TTC28: variants seen among roughly 807,000 people sequenced by gnomAD.
The protein encoded by TTC28 is tetratricopeptide repeat protein 28.
In TTC28, 61 loss-of-function variants were observed where a neutral mutation model predicts 198.0. The ratio of observed to expected loss-of-function variants is 0.31; its 90% CI spans 0.25 to 0.38. TTC28 has a LOEUF of 0.38. TTC28 is among the 10% of genes least tolerant of loss of function. The pLI is 1.00. For synonymous variants in TTC28, 1,171 were observed against 1,297.8 expected (o/e 0.90, Z 2.10); for missense variants, 2,678 against 3,164.0 (o/e 0.85, Z 3.69).
intron 2 of TTC28, among the ~76,000 whole-genome samples, chr22:28,357,859 C>T (rs1182879682): frequency 6.6e-6 from 1 of 152,138 alleles, no homozygotes; most frequent in Non-Finnish European, 1.5e-5. Flanking sequence ...CACCACGCTA[C>T]ACTGGGATGC....
chr22:28,147,984 A>G (rs1943508354), intron 6 of TTC28, among the ~76,000 whole-genome samples: 1 of 152,230 alleles, frequency 6.6e-6, no homozygotes, highest in Non-Finnish European at 1.5e-5. Flanking sequence ...AAAAGAAGAA[A>G]CAGTGTGATA....
chr22:28,290,625 A>G (rs1276530229), intron 5 of TTC28, among the ~76,000 whole-genome samples: 8 of 152,138 alleles, frequency 5.3e-5, no homozygotes, highest in East Asian at 1.9e-4. Context: ...AAAAATCACA[A>G]TGAGGGCCTG....
Position 27,983,763 on chromosome 22 carries a change from C to T in TTC28, c.5904G>A (p.Leu1968=), listed in dbSNP as rs1937105358. Residue 1968 remains leucine, a synonymous_variant, in exon 23 of 23, where the codon CTG becomes CTA. Transcript: ENST00000397906. The part of the protein sequence containing the change: ...LASAQSVSNA[L]PLGYQQPPFS... Reference sequence around the variant, plus strand: ...AGGGGGGTTGCTGGTAACCCAAGGGCAGGGCGTTGGAAACAGACTGAGCAG... The same window carrying T: ...AGGGGGGTTGCTGGTAACCCAAGGGTAGGGCGTTGGAAACAGACTGAGCAG... 1.9e-6 allele frequency: 3 copies of T among 1,551,622 alleles called. No individual in the cohort carries two copies. Among genetic ancestry groups the T allele is most frequent in the Non-Finnish European group, 2.6e-6 (3 of 1,146,998 alleles).
At chr22:28,281,673 A>T (rs954454852) in intron 5 of TTC28, among the ~76,000 whole-genome samples, 11 of 152,246 alleles carry the variant, frequency 7.2e-5, no homozygotes, top group African/African-American at 2.7e-4. Flanking sequence ...TGTGAATGAT[A>T]CACTGTATAC....
intron 2 of TTC28, among the ~76,000 whole-genome samples, chr22:28,310,174 A>ACAC (rs56832222): frequency 3.6e-5 from 3 of 83,648 alleles, no homozygotes; most frequent in African/African-American, 5.2e-5. Flanking sequence ...ACACACACAC[A>ACAC]AAAAACAAGA....
intron 2 of TTC28, among the ~76,000 whole-genome samples, chr22:28,429,249 C>T (rs1051035687): frequency 4.6e-5 from 7 of 152,204 alleles, no homozygotes; most frequent in Admixed American, 2.6e-4. Context: ...TATCTCACTA[C>T]CTCTGCCTGA....
At chr22:28,418,859 G>A (rs867423720) in intron 2 of TTC28, among the ~76,000 whole-genome samples, 1 of 152,072 alleles carries the variant, frequency 6.6e-6, no homozygotes, top group Non-Finnish European at 1.5e-5. Context: ...TTTGGAAGTG[G>A]GAAAATCAGA....
At chr22:28,527,371 G>T (rs76033330) in intron 2 of TTC28, among the ~76,000 whole-genome samples, 3 of 152,256 alleles carry the variant, frequency 2.0e-5, no homozygotes, top group Non-Finnish European at 4.4e-5. Flanking sequence ...ATGCATTAAT[G>T]CCGCCTCTTC....
intron 2 of TTC28, among the ~76,000 whole-genome samples, chr22:28,401,359 T>C (rs1349565661): frequency 1.3e-5 from 2 of 152,152 alleles, no homozygotes; most frequent in African/African-American, 2.4e-5. Flanking sequence ...CTCATGCCTG[T>C]AATCCCAGCA....
chr22:28,214,056 C>T (rs1426761272), intron 5 of TTC28, among the ~76,000 whole-genome samples: 2 of 152,052 alleles, frequency 1.3e-5, no homozygotes, highest in Non-Finnish European at 1.5e-5. Context: ...ATAAATGGTG[C>T]TGGGAAAACT....
At chr22:28,093,657 T>C (rs1371493732) in intron 12 of TTC28, among the ~76,000 whole-genome samples, 2 of 152,174 alleles carry the variant, frequency 1.3e-5, no homozygotes, top group African/African-American at 4.8e-5. Context: ...GGCTCACAGA[T>C]CTGTGCACAT....
At position 27,998,697 on chromosome 22, in the gene TTC28, G is replaced by T; in HGVS notation, c.4962C>A (p.Leu1654=). The stretch of plus-strand genomic sequence containing the variant: ...CCACTGGCACAGGCCACAGAGACAC[G>T]AGGACACACTGAGCGCCGGCAGCCA... ...AFLAAGAQCV[L]VSLWPVPVAA... is the part of the protein sequence containing the mutation. Residue 1654 remains leucine, a synonymous_variant, in exon 16 of 23, where the codon CTC becomes CTA. Transcript: ENST00000397906. The T allele has an allele frequency of 6.4e-7, 1 of 1,550,934 alleles. No individual in the cohort carries two copies.
intron 15 of TTC28, chr22:28,000,061 A>G (rs1447758194): frequency 6.6e-6 from 1 of 152,128 alleles, no homozygotes; most frequent in East Asian, 1.9e-4. Flanking sequence ...CTGAAGGTGG[A>G]GGCATCTGAT....
rs34493597 is a variant in TTC28 at position 28,090,146 on chromosome 22, TAA to T, written c.3932+3932_3932+3933del. ...AAAAAAAGTACTATATGCCTAATTG[TAA>T]AAAAAAAAAGTTAAAAATAAGGAAA... On this transcript the variant is annotated intron_variant, in intron 12 of 22. Transcript: ENST00000397906. 4.1e-5 allele frequency among the ~76,000 whole-genome samples: 6 copies of T among 146,308 alleles called. No individual in the cohort carries two copies. The South Asian group carries it at 8.6e-4, about 21-fold the overall frequency.
At chr22:28,491,714 G>A (rs2048381890) in intron 2 of TTC28, among the ~76,000 whole-genome samples, 1 of 152,224 alleles carries the variant, frequency 6.6e-6, no homozygotes, top group African/African-American at 2.4e-5. Context: ...ATTCCTCAGG[G>A]ATCTAGAACT....
intron 2 of TTC28, among the ~76,000 whole-genome samples, chr22:28,551,345 T>C (rs959105358): frequency 3.3e-5 from 5 of 151,970 alleles, no homozygotes; most frequent in South Asian, 2.1e-4. Flanking sequence ...TTCCAAAAGA[T>C]AGAGAAAGAG....
chr22:28,621,395 A>G (rs2050992541), intron 2 of TTC28, among the ~76,000 whole-genome samples: 1 of 152,062 alleles, frequency 6.6e-6, no homozygotes, highest in Admixed American at 6.6e-5. Context: ...ATAGAAACAA[A>G]CTGTGTAAGA....
At chr22:28,098,323 A>G (rs1942032976) in intron 10 of TTC28, among the ~76,000 whole-genome samples, 1 of 152,120 alleles carries the variant, frequency 6.6e-6, no homozygotes, top group South Asian at 2.1e-4. Flanking sequence ...CTTGAACCAC[A>G]CGCTAGTGGT....
At chr22:28,068,374 C>G (rs1474130538) in intron 12 of TTC28, among the ~76,000 whole-genome samples, 1 of 151,990 alleles carries the variant, frequency 6.6e-6, no homozygotes, top group Non-Finnish European at 1.5e-5. Flanking sequence ...AAAGGACTAC[C>G]GTAAGAATTA....
Sources: allele counts gnomAD v4.1 joint callset (sites outside exome capture counted in the v4.1 genomes callset), GRCh38; gene constraint gnomAD v4.1.1; transcripts MANE v1.5; gene names NCBI Gene and HGNC (gene_info 2026-07-23, HGNC 2026-07-21).